EYS: variants seen among roughly 807,000 people sequenced by gnomAD.
EYS encodes the protein protein eyes shut homolog.
EYS carries 250 observed loss-of-function variants against 282.1 expected under a neutral mutation model. The observed-to-expected ratio is 0.89, with a 90% CI of 0.80 to 0.98. The LOEUF is 0.98. Among genes scored for constraint, EYS ranks in the 50% least tolerant of loss-of-function variants. The pLI, the probability that EYS is intolerant of heterozygous loss-of-function variation, is 0.00. For synonymous variants in EYS, 1,355 were observed against 1,282.9 expected (o/e 1.06, Z -1.20); for missense variants, 4,016 against 3,709.0 (o/e 1.08, Z -2.15).
chr6:64,101,649 A>ATT (rs111743534), intron 31 of EYS, among the ~76,000 whole-genome samples: 2 of 151,376 alleles, frequency 1.3e-5, no homozygotes, highest in African/African-American at 4.9e-5. Context: ...TCTAGTTCCC[A>ATT]TTTTTTTTGG....
chr6:64,236,957 C>T (rs1242331713), intron 30 of EYS, among the ~76,000 whole-genome samples: 3 of 151,814 alleles, frequency 2.0e-5, no homozygotes, highest in Non-Finnish European at 4.4e-5. Flanking sequence ...CAAAAATCTC[C>T]CCATTTCTTC....
At chr6:65,127,743 T>C (rs560711444) in intron 12 of EYS, among the ~76,000 whole-genome samples, 3 of 152,206 alleles carry the variant, frequency 2.0e-5, no homozygotes, top group South Asian at 4.1e-4. Flanking sequence ...GTCCCTTCAG[T>C]ATCCATTTCT....
At chr6:63,743,142 T>C (rs34767731) in intron 41 of EYS, among the ~76,000 whole-genome samples, 25 of 152,218 alleles carry the variant, frequency 1.6e-4, no homozygotes, top group Non-Finnish European at 2.6e-4. Context: ...TTTGGCATTG[T>C]CATTATTTTT....
chr6:64,145,640 T>A (rs1468063270), intron 31 of EYS, among the ~76,000 whole-genome samples: 1 of 151,696 alleles, frequency 6.6e-6, no homozygotes, highest in Non-Finnish European at 1.5e-5. Context: ...TAAAACCTTA[T>A]CTTTTTTTCT....
In EYS at chr6:64,625,996, T is replaced by C. The variant is rs145267667; in HGVS notation, c.3568+125A>G. 8.4e-5 allele frequency: 47 copies of C among 557,652 alleles called. No individual in the cohort carries two copies. In the East Asian group the frequency reaches 1.1e-3, roughly 13 times the overall value. The allele number at this position is 557,652 out of a possible 1,614,324, so 34.5% of individuals were successfully genotyped here. A position where few individuals can be genotyped will look rare whatever the true frequency, so the allele number is the denominator to read the frequency against. ...TGATCATTGCTTAAAACTTGATTAGTAGTCAACAATAGTATTGGTGGAGTG... is the reference window on the plus strand; with the variant it reads ...TGATCATTGCTTAAAACTTGATTAGCAGTCAACAATAGTATTGGTGGAGTG... On this transcript the variant is annotated intron_variant, in intron 23 of 42. Coordinates refer to ENST00000503581, the MANE Select transcript of EYS (RefSeq NM_001142800.2).
chr6:64,870,297 CA>C (rs995602728), intron 19 of EYS, among the ~76,000 whole-genome samples: 3 of 151,242 alleles, frequency 2.0e-5, no homozygotes, highest in African/African-American at 7.3e-5. Flanking sequence ...TGTGAATACT[CA>C]AAAGTCACAG....
rs1219704252 is a variant in EYS, at chr6:63,770,105, T to A, written c.7899-7472A>T. 2.0e-5 allele frequency among the ~76,000 whole-genome samples: 3 copies of A among 151,980 alleles called. No individual in the cohort carries two copies. The South Asian group carries it at 6.2e-4, about 31-fold the overall frequency. ...GATATATATAAAATATAATATTCAG[T>A]TTCTTAGGGCTTTACCTTAGTGCCA... On this transcript the variant is annotated intron_variant, in intron 40 of 42. Transcript: ENST00000503581.
chr6:63,909,469 C>T (rs189534263), intron 35 of EYS, among the ~76,000 whole-genome samples: 32 of 152,302 alleles, frequency 2.1e-4, no homozygotes, highest in Admixed American at 1.0e-3. Context: ...AAACTGAATA[C>T]GCTGGTACCC....
intron 29 of EYS, among the ~76,000 whole-genome samples, chr6:64,309,212 A>T (rs1769578500): frequency 6.6e-6 from 1 of 152,156 alleles, no homozygotes; most frequent in African/African-American, 2.4e-5. Flanking sequence ...ATAGGGATAA[A>T]AAAAGGGGAA....
chr6:65,207,236 G>A (rs148523984), intron 12 of EYS, among the ~76,000 whole-genome samples: 6 of 151,494 alleles, frequency 4.0e-5, no homozygotes, highest in Non-Finnish European at 8.9e-5. Flanking sequence ...TGACATTCGA[G>A]CTGAGAACCA....
intron 2 of EYS, among the ~76,000 whole-genome samples, chr6:65,569,879 G>A (rs1002147456): frequency 1.3e-5 from 2 of 152,122 alleles, no homozygotes; most frequent in Non-Finnish European, 2.9e-5. Context: ...AGACTGCTCT[G>A]TGTGAATTAA....
At chr6:64,204,116 G>A (rs1765550563) in intron 31 of EYS, among the ~76,000 whole-genome samples, 1 of 152,130 alleles carries the variant, frequency 6.6e-6, no homozygotes, top group East Asian at 1.9e-4. Flanking sequence ...ACTACAGCAT[G>A]TAATTAAAAG....
At chr6:64,059,880 T>C (rs1265759837) in intron 33 of EYS, among the ~76,000 whole-genome samples, 9 of 152,186 alleles carry the variant, frequency 5.9e-5, no homozygotes, top group Non-Finnish European at 1.3e-4. Context: ...AATATAATGA[T>C]AAAGTATTAC....
intron 15 of EYS, among the ~76,000 whole-genome samples, chr6:64,942,852 A>T (rs1437916982): frequency 6.7e-6 from 1 of 149,820 alleles, no homozygotes; most frequent in Non-Finnish European, 1.5e-5. Context: ...AACAAAAATG[A>T]AGTCGAAGGA....
chr6:64,957,226 G>A (rs1012805934), intron 14 of EYS, among the ~76,000 whole-genome samples: 3 of 152,152 alleles, frequency 2.0e-5, no homozygotes, highest in African/African-American at 7.2e-5. Context: ...ATGCACAATG[G>A]CGTACTATTG....
intron 9 of EYS, among the ~76,000 whole-genome samples, chr6:65,350,996 C>T (rs1438498683): frequency 2.6e-5 from 4 of 151,362 alleles, no homozygotes; most frequent in Non-Finnish European, 4.4e-5. Context: ...TTTTATATTT[C>T]GTGAGGAAGA....
At chr6:65,101,440 A>T (rs527954957) in intron 12 of EYS, among the ~76,000 whole-genome samples, 1 of 151,390 alleles carries the variant, frequency 6.6e-6, no homozygotes, top group Non-Finnish European at 1.5e-5. Flanking sequence ...TTCTAAATTT[A>T]TCAACAGGCC....
At chr6:64,592,521 A>G (rs1766445173) in intron 25 of EYS, among the ~76,000 whole-genome samples, 1 of 152,148 alleles carries the variant, frequency 6.6e-6, no homozygotes, top group Admixed American at 6.6e-5. Flanking sequence ...TTTTTTCTTC[A>G]AGAATTCCTT....
At chr6:64,625,686 T>C (rs1420284199) in intron 23 of EYS, among the ~76,000 whole-genome samples, 1 of 152,204 alleles carries the variant, frequency 6.6e-6, no homozygotes, top group Non-Finnish European at 1.5e-5. Flanking sequence ...ATTTAGACAA[T>C]AGCAGCAATT....
Sources: allele counts gnomAD v4.1 joint callset (sites outside exome capture counted in the v4.1 genomes callset), GRCh38; gene constraint gnomAD v4.1.1; transcripts MANE v1.5; gene names NCBI Gene and HGNC (gene_info 2026-07-23, HGNC 2026-07-21).